Variants in ANKHD1 observed in about 807,000 individuals in gnomAD.
ANKHD1 encodes ankyrin repeat and KH domain-containing protein 1.
In ANKHD1, 31 loss-of-function variants were observed where a neutral mutation model predicts 230.5. The ratio of observed to expected loss-of-function variants is 0.13; its 90% CI spans 0.10 to 0.18. The LOEUF is 0.18. Among genes scored for constraint, ANKHD1 ranks in the 10% least tolerant of loss-of-function variants. ANKHD1 has a pLI of 1.00. For synonymous variants in ANKHD1, 1,074 were observed against 1,117.6 expected, an observed-to-expected ratio of 0.96 and a Z score of 0.78; for missense variants, 2,256 against 3,071.3, an observed-to-expected ratio of 0.73 and a Z score of 6.27.
intron 1 of ANKHD1, among the ~76,000 whole-genome samples, chr5:140,411,492 G>C (rs1166606401): frequency 6.7e-6 from 1 of 148,922 alleles, no homozygotes; most frequent in Non-Finnish European, 1.5e-5. Flanking sequence ...GATCTTGTTG[G>C]AAAAGTTTTT....
intron 7 of ANKHD1, 68 bp from the exon 8 acceptor site, chr5:140,458,557 C>G: frequency 6.6e-7 from 1 of 1,509,634 alleles, no homozygotes; most frequent in African/African-American, 1.4e-5. Flanking sequence ...GCTTTCTTCT[C>G]TCCCACTTAA....
chr5:140,499,305 A>T (rs1752171720), intron 15 of ANKHD1, among the ~76,000 whole-genome samples: 1 of 152,144 alleles, frequency 6.6e-6, no homozygotes, highest in Middle Eastern at 3.2e-3. Flanking sequence ...AATTAGGTTA[A>T]TACCTAATGC....
chr5:140,454,435 A>T (rs183778891), intron 7 of ANKHD1, among the ~76,000 whole-genome samples: 9 of 152,342 alleles, frequency 5.9e-5, no homozygotes, highest in Admixed American at 5.9e-4. Flanking sequence ...CATCACACTT[A>T]TTCCAAAATT....
chr5:140,502,059 T>A (rs1310272371), intron 15 of ANKHD1, among the ~76,000 whole-genome samples: 2 of 150,034 alleles, frequency 1.3e-5, no homozygotes, highest in Non-Finnish European at 3.0e-5. Flanking sequence ...AAAAAAAGCA[T>A]ACCGTATAAG....
intron 11 of ANKHD1, among the ~76,000 whole-genome samples, chr5:140,483,450 A>ATTTT (rs1751372658): frequency 7.8e-6 from 1 of 128,568 alleles, no homozygotes; most frequent in African/African-American, 3.1e-5. Flanking sequence ...GTAAGATTTT[A>ATTTT]TCTTTTTTTT....
Position 140,485,483 on chromosome 5 carries a change from G to T in ANKHD1, c.1999-106G>T. 1 of 1,433,908 alleles carries T rather than the reference G, an allele frequency of 7.0e-7. No individual in the cohort carries two copies. 88.8% of individuals were successfully genotyped at this position (1,433,908 alleles called of 1,614,324 possible). A position where few individuals can be genotyped will look rare whatever the true frequency, so the allele number is the denominator to read the frequency against. ...TGTGTATAGTTATAAAAATATGTTT[G>T]ATCTATCTTAGTGCTTAGTATTTAA... On this transcript the variant is annotated intron_variant, in intron 12 of 33. Coordinates refer to ENST00000360839, the MANE Select transcript of ANKHD1 (RefSeq NM_017747.3). This position sits in a 1 kb window ranked among gnomAD's most constrained non-coding sequence, Gnocchi z 4.8.
intron 1 of ANKHD1, among the ~76,000 whole-genome samples, chr5:140,419,885 C>T (rs1211248398): frequency 1.2e-5 from 1 of 81,928 alleles, no homozygotes; most frequent in Non-Finnish European, 2.4e-5. Flanking sequence ...CTTCTTCTGT[C>T]CTTCCTTCCT....
intron 10 of ANKHD1, among the ~76,000 whole-genome samples, chr5:140,474,144 A>G (rs768924630): frequency 1.4e-4 from 22 of 152,204 alleles, no homozygotes; most frequent in South Asian, 1.2e-3. Flanking sequence ...TTTTTAGAAA[A>G]TGTGCTAAAC....
At chr5:140,413,843 C>T (rs560063280) in intron 1 of ANKHD1, among the ~76,000 whole-genome samples, 7 of 152,026 alleles carry the variant, frequency 4.6e-5, no homozygotes, top group East Asian at 3.9e-4. Context: ...TGCAGTGGCA[C>T]GATCTCAGCT....
chr5:140,447,470 A>G (rs1774380991), intron 6 of ANKHD1, among the ~76,000 whole-genome samples: 1 of 152,096 alleles, frequency 6.6e-6, no homozygotes, highest in Non-Finnish European at 1.5e-5. Context: ...AGACTCCCAA[A>G]GTGTTAGGAT....
At chr5:140,427,121 A>G (rs1176172128) in intron 1 of ANKHD1, among the ~76,000 whole-genome samples, 1 of 150,032 alleles carries the variant, frequency 6.7e-6, no homozygotes, top group South Asian at 2.1e-4. Context: ...CACTTCCCGG[A>G]CGGGGCGGCT....
intron 15 of ANKHD1, among the ~76,000 whole-genome samples, chr5:140,500,478 A>G (rs1752240177): frequency 6.6e-6 from 1 of 151,758 alleles, no homozygotes; most frequent in African/African-American, 2.4e-5. Flanking sequence ...GGTGAAACCC[A>G]TCTCTACTAA....
At chr5:140,436,073 C>A in intron 1 of ANKHD1, 31 bp from the exon 2 acceptor site, 1 of 1,489,858 alleles carries the variant, frequency 6.7e-7, no homozygotes, top group Non-Finnish European at 9.0e-7. Flanking sequence ...ATATCAGTTT[C>A]ATGGATATTG....
chr5:140,466,327 G>T (rs1030108489), intron 10 of ANKHD1, among the ~76,000 whole-genome samples: 1 of 151,794 alleles, frequency 6.6e-6, no homozygotes, highest in Non-Finnish European at 1.5e-5. Context: ...GGAGGTGGAG[G>T]TTGCAGTGAG....
chr5:140,434,269 C>G (rs1004201668), intron 1 of ANKHD1, among the ~76,000 whole-genome samples: 4 of 151,678 alleles, frequency 2.6e-5, no homozygotes, highest in African/African-American at 7.3e-5. Flanking sequence ...AGGTATGTGG[C>G]CTGAGTTTGA....
intron 15 of ANKHD1, among the ~76,000 whole-genome samples, chr5:140,503,988 T>C (rs1752431869): frequency 6.6e-6 from 1 of 152,170 alleles, no homozygotes; most frequent in Admixed American, 6.5e-5. Context: ...AAAATAAATA[T>C]TGAATTTAGG....
chr5:140,481,258 A>G (rs781728320), intron 10 of ANKHD1, among the ~76,000 whole-genome samples: 6 of 152,086 alleles, frequency 3.9e-5, no homozygotes, highest in Non-Finnish European at 8.8e-5. Flanking sequence ...TGTGATACAT[A>G]TTCAGTTTTA....
Position 140,526,081 on chromosome 5 carries a change from T to C in ANKHD1, c.4578T>C (p.Asn1526=). 6.2e-7 allele frequency: 1 copy of C among 1,613,368 alleles called. No individual in the cohort carries two copies. Among genetic ancestry groups the C allele is most frequent in the Non-Finnish European group, 8.5e-7 (1 of 1,179,860 alleles). Residue 1526 remains asparagine, a synonymous_variant, in exon 26 of 34, where the codon AAT becomes AAC. Transcript: ENST00000360839. ...CTGCAACATCTGCAACATTCACAAATGTGTTTGGGAAAAAAAGGGCCAATG... is the reference window on the plus strand; with the variant it reads ...CTGCAACATCTGCAACATTCACAAACGTGTTTGGGAAAAAAAGGGCCAATG... ...GISATSATFT[N]VFGKKRANVV...
chr5:140,521,967 A>G (rs1581370594), intron 24 of ANKHD1, among the ~76,000 whole-genome samples: 1 of 152,242 alleles, frequency 6.6e-6, no homozygotes, highest in African/African-American at 2.4e-5. Flanking sequence ...TGACAGAGCA[A>G]GACTCTGTCT....
Sources: gnomAD v4.1 joint callset for allele counts (sites outside exome capture counted in the v4.1 genomes callset) on GRCh38, gnomAD v4.1.1 for gene constraint, Gnocchi (gnomAD v3.1) non-coding constraint, MANE v1.5 for transcripts, NCBI Gene and HGNC (gene_info 2026-07-23, HGNC 2026-07-21) for gene names.